Variants in CDK10 observed in about 807,000 individuals in gnomAD.
The protein encoded by CDK10 is cyclin dependent kinase 10.
In CDK10, 55 loss-of-function variants were observed where a neutral mutation model predicts 51.0. That is an observed-to-expected ratio of 1.08 (90% CI 0.87 to 1.35). The LOEUF (loss-of-function observed/expected upper bound fraction) is 1.35, where lower values mean the gene tolerates loss of function less well. Ranked by LOEUF, CDK10 falls within the 40% of genes most tolerant of loss-of-function variation. The pLI, the probability that CDK10 is intolerant of heterozygous loss-of-function variation, is 0.00. For synonymous variants in CDK10, 255 were observed against 199.1 expected, an observed-to-expected ratio of 1.28 and a Z score of -2.36; for missense variants, 589 against 485.1, an observed-to-expected ratio of 1.21 and a Z score of -2.01.
rs942868530 is a variant in CDK10, at chr16:89,694,987, C to CA, written c.851dup (p.Asn284LysfsTer26). 1 of 1,613,386 alleles carries CA rather than the reference C, an allele frequency of 6.2e-7. No homozygotes were observed. Among genetic ancestry groups the CA allele is most frequent in the Non-Finnish European group, 8.5e-7 (1 of 1,180,046 alleles). On this transcript the variant is annotated frameshift_variant, in exon 11 of 13. Transcript: ENST00000353379. LOFTEE classifies it high-confidence loss of function. ...ACAGCCTCCGGAAGCAGCCCTACAACAACCTGAAGCACAAGTTCCCATGGC... is the reference window on the plus strand; with the variant it reads ...ACAGCCTCCGGAAGCAGCCCTACAACAAACCTGAAGCACAAGTTCCCATGGC...
intron 1 of CDK10, among the ~76,000 whole-genome samples, chr16:89,688,465 C>G (rs1482964148): frequency 1.3e-5 from 2 of 152,148 alleles, no homozygotes; most frequent in Admixed American, 6.5e-5. Context: ...AAGATGATGC[C>G]TTTTTTCACT....
rs766606287 is a variant in CDK10 at position 89,693,715 on chromosome 16, G to T, written c.608+248G>T. Reference sequence around the variant, plus strand: ...CAGACACACCTCGCCTTGAGAGCTGGAAACACCGTGGCCGTGAAACCATCT... The same window carrying T: ...CAGACACACCTCGCCTTGAGAGCTGTAAACACCGTGGCCGTGAAACCATCT... On this transcript the variant is annotated intron_variant, in intron 8 of 12. Coordinates refer to ENST00000353379, the MANE Select transcript of CDK10 (RefSeq NM_052988.5). 2.2e-4 allele frequency: 130 copies of T among 580,014 alleles called. 2 individuals are homozygous for T. The highest frequency in any genetic ancestry group is 2.5e-4 in the Non-Finnish European group (82 of 324,910). 35.9% of individuals were successfully genotyped at this position (580,014 alleles called of 1,614,324 possible). A position where few individuals can be genotyped will look rare whatever the true frequency, so the allele number is the denominator to read the frequency against.
At position 89,691,448 on chromosome 16, in the gene CDK10, CCCATCAGCAGCT is replaced by C; in HGVS notation, c.239_250del (p.Pro80_Ser83del). On this transcript the variant is annotated inframe_deletion, in exon 4 of 13. Coordinates refer to ENST00000353379, the MANE Select transcript of CDK10 (RefSeq NM_052988.5). ...GAGGCCACCTCCCTCCCCAGGCATC[CCCATCAGCAGCT>C]TGCGGGAGATCACGCTGCTGCTCCG... 1 of 1,606,968 alleles carries C rather than the reference CCCATCAGCAGCT, an allele frequency of 6.2e-7. No individual in the cohort carries two copies. Among genetic ancestry groups the C allele is most frequent in the Non-Finnish European group, 8.5e-7 (1 of 1,175,942 alleles).
At chr16:89,687,468 A>C (rs1054230784) in intron 1 of CDK10, 1 of 456,070 alleles carries the variant, frequency 2.2e-6, no homozygotes, top group African/African-American at 2.0e-5. Flanking sequence ...GGATGACAAC[A>C]GGAGCCACAC....
chr16:89,694,181 C>G lies in CDK10; in HGVS notation c.617C>G (p.Ala206Gly), dbSNP rs1381790419. Residue 206 changes from alanine to glycine, a missense_variant, in exon 9 of 13, where the codon GCC (alanine) becomes GGC (glycine). Transcript: ENST00000353379. ...TPKVVTLWYR[A>G]PELLLGTTTQ... is the part of the protein sequence containing the mutation. ...GGTGCTTCTGTGTGTAGGTACCGAG[C>G]CCCTGAACTGCTGTTGGGAACCACC... The G allele has an allele frequency of 1.2e-6, 2 of 1,613,966 alleles. No individual in the cohort carries two copies. Among genetic ancestry groups the G allele is most frequent in the Non-Finnish European group, 1.7e-6 (2 of 1,179,978 alleles).
chr16:89,692,775 A>G (rs352938), intron 6 of CDK10: 333,775 of 337,090 alleles, frequency 0.99, 165,318 homozygotes, highest in East Asian at 1. Flanking sequence ...CACCACACCC[A>G]GGCATGCACT....
Position 89,693,273 on chromosome 16 carries a change from G to T in CDK10, c.486-1G>T. On this transcript the variant is annotated splice_acceptor_variant, in intron 6 of 12. Coordinates refer to ENST00000353379, the MANE Select transcript of CDK10 (RefSeq NM_052988.5). LOFTEE classifies it high-confidence loss of function. ...CACCTGCCACTGTTTTTCCATCACA[G>T]GGACCTGAAGGTTTCCAACTTGCTC... The T allele has an allele frequency of 1.2e-6, 2 of 1,614,114 alleles. No individual in the cohort carries two copies. The highest frequency in any genetic ancestry group is 8.5e-7 in the Non-Finnish European group (1 of 1,180,018).
At chr16:89,695,122 ACCGTTT>A (rs1160998429) in intron 11 of CDK10, 52 bp downstream of exon 11, 1 of 1,577,110 alleles carries the variant, frequency 6.3e-7, no homozygotes, top group Non-Finnish European at 8.6e-7. Context: ...CACTGTCCAG[ACCGTTT>A]CCCAGAGCCC....
chr16:89,695,558 C>T (rs1157283573), intron 12 of CDK10, 37 bp from the exon 13 acceptor site: 3 of 1,575,400 alleles, frequency 1.9e-6, no homozygotes, highest in Non-Finnish European at 8.6e-7. Flanking sequence ...CTATCTGGGG[C>T]CCTGCCCCGC....
rs1323084194 is a variant in CDK10, at chr16:89,693,284, G to A, written c.496G>A (p.Val166Ile). 2 of 1,614,038 alleles carry A rather than the reference G, an allele frequency of 1.2e-6. No homozygotes were observed. The highest frequency in any genetic ancestry group is 1.3e-5 in the African/African-American group (1 of 74,926). Reference sequence around the variant, plus strand: ...GTTTTTCCATCACAGGGACCTGAAGGTTTCCAACTTGCTCATGACCGACAA... The same window carrying A: ...GTTTTTCCATCACAGGGACCTGAAGATTTCCAACTTGCTCATGACCGACAA... ...RNFIIHRDLKVSNLLMTDKGC... is the reference protein window; with the variant it reads ...RNFIIHRDLKISNLLMTDKGC... The change falls in exon 7 of 13, where the codon GTT (valine) becomes ATT (isoleucine). Residue 166 changes from valine (V) to isoleucine (I), a missense_variant. Transcript: ENST00000353379.
At chr16:89,686,982 G>T (rs1038929631) in intron 1 of CDK10, 185 bp downstream of exon 1, 2 of 534,916 alleles carry the variant, frequency 3.7e-6, no homozygotes, top group East Asian at 3.4e-5. Flanking sequence ...CCCGACAGCC[G>T]GTCCCTGGAG....
rs1485129073 is a variant in CDK10, at chr16:89,686,746, T to C, written c.36T>C (p.Arg12=). 6.2e-7 allele frequency: 1 copy of C among 1,612,074 alleles called. No individual in the cohort carries two copies. The highest frequency in any genetic ancestry group is 8.5e-7 in the Non-Finnish European group (1 of 1,179,000). ...CAGATCTGGAGTGCGAGCAGATCCG[T>C]CTGAAGTGTATTCGTAAGGAGGGCT... is the stretch of plus-strand genomic sequence containing the variant. ...AEPDLECEQI[R]LKCIRKEGFF... Residue 12 remains arginine, a synonymous_variant, in exon 1 of 13, where the codon CGT becomes CGC. Coordinates refer to ENST00000353379, the MANE Select transcript of CDK10 (RefSeq NM_052988.5).
chr16:89,694,497 C>A, intron 9 of CDK10, 168 bp from the exon 10 acceptor site: 1 of 1,272,974 alleles, frequency 7.9e-7, no homozygotes, highest in Non-Finnish European at 1.1e-6. Context: ...GCCTGCGGGG[C>A]CCAGGAGGGG....
chr16:89,695,687 C>T lies in CDK10; in HGVS notation c.1078C>T (p.Pro360Ser), dbSNP rs754062493. 3 of 1,596,554 alleles carry T rather than the reference C, an allele frequency of 1.9e-6. No homozygotes were observed. The highest frequency in any genetic ancestry group is 1.7e-4 in the Middle Eastern group (1 of 6,046). ...CGAGGGCCAGAGCAAGCGCTGTAAA[C>T]CCTGACGGTGGGCCTGGCACACGCC... is the stretch of plus-strand genomic sequence containing the variant. ...TSEGQSKRCK[P>S] is the part of the protein sequence containing the mutation. The change falls in exon 13 of 13, where the codon CCC (proline) becomes TCC (serine). Residue 360 changes from proline to serine, a missense_variant. Coordinates refer to ENST00000353379, the MANE Select transcript of CDK10 (RefSeq NM_052988.5).
chr16:89,687,325 T>G, intron 1 of CDK10: 1 of 387,966 alleles, frequency 2.6e-6, no homozygotes, highest in Non-Finnish European at 5.3e-6. Context: ...CGTTGGGCGG[T>G]GTTGCCCAGG....
chr16:89,688,773 T>G (rs540471243), intron 1 of CDK10, among the ~76,000 whole-genome samples: 1 of 152,186 alleles, frequency 6.6e-6, no homozygotes, highest in Non-Finnish European at 1.5e-5. Flanking sequence ...TTTCAAAGCA[T>G]TGGCCCAGTA....
At position 89,693,647 on chromosome 16, in the gene CDK10, A is replaced by G. The variant is rs1267127733; in HGVS notation, c.608+180A>G. 2.4e-5 allele frequency: 15 copies of G among 624,638 alleles called. 1 individual carries two copies. The South Asian group carries it at 2.5e-4, about 10-fold the overall frequency. 38.7% of individuals were successfully genotyped at this position (624,638 alleles called of 1,614,324 possible). Reference sequence around the variant, plus strand: ...GGACACAGCAGGGCTGTGCCACAAAATGGTGAGAGACGGGCTCAGTGGCGT... The same window carrying G: ...GGACACAGCAGGGCTGTGCCACAAAGTGGTGAGAGACGGGCTCAGTGGCGT... On this transcript the variant is annotated intron_variant, in intron 8 of 12. Coordinates refer to ENST00000353379, the MANE Select transcript of CDK10 (RefSeq NM_052988.5).
At chr16:89,688,974 C>T (rs1597838349) in intron 1 of CDK10, among the ~76,000 whole-genome samples, 1 of 152,164 alleles carries the variant, frequency 6.6e-6, no homozygotes, top group East Asian at 1.9e-4. Context: ...GTGGCACCTG[C>T]CTGTAATCCC....
rs1271262468 is a variant in CDK10 at position 89,694,650 on chromosome 16, C to T, written c.669-15C>T. On this transcript the variant is annotated splice_polypyrimidine_tract_variant and intron_variant, in intron 9 of 12. Transcript: ENST00000353379. The stretch of plus-strand genomic sequence containing the variant: ...GCAGACGTCTGGCCGCAGTGAGGTC[C>T]ACTGTTCTCTGCAGGGCTGTGGGCT... 1.3e-6 allele frequency: 2 copies of T among 1,582,718 alleles called. No homozygotes were observed. Among genetic ancestry groups the T allele is most frequent in the Admixed American group, 1.8e-5 (1 of 56,344 alleles).
Sources: gnomAD v4.1 joint callset for allele counts (sites outside exome capture counted in the v4.1 genomes callset) on GRCh38, gnomAD v4.1.1 for gene constraint, MANE v1.5 for transcripts, NCBI Gene and HGNC (gene_info 2026-07-23, HGNC 2026-07-21) for gene names.